MCC: variants seen among roughly 807,000 people sequenced by gnomAD.
MCC encodes the protein MCC regulator of Wnt signaling pathway.
MCC carries 90 observed loss-of-function variants against 116.2 expected under a neutral mutation model. The ratio of observed to expected loss-of-function variants is 0.77; its 90% CI spans 0.65 to 0.92. MCC has a LOEUF of 0.92. Ranked by LOEUF, MCC falls within the 40% of genes least tolerant of loss-of-function variation. The pLI, the probability that MCC is intolerant of heterozygous loss-of-function variation, is 0.00. For synonymous variants in MCC, 578 were observed against 510.5 expected, an observed-to-expected ratio of 1.13 and a Z score of -1.78; for missense variants, 1,516 against 1,312.2, an observed-to-expected ratio of 1.16 and a Z score of -2.40.
chr5:113,297,512 C>G (rs1166266537), intron 3 of MCC, among the ~76,000 whole-genome samples: 1 of 151,766 alleles, frequency 6.6e-6, no homozygotes, highest in Non-Finnish European at 1.5e-5. Context: ...TTGCAGTAAG[C>G]CGAGACCGCA....
chr5:113,321,528 G>A (rs555874333), intron 3 of MCC, among the ~76,000 whole-genome samples: 1 of 152,332 alleles, frequency 6.6e-6, no homozygotes, highest in East Asian at 1.9e-4. Flanking sequence ...TCCCAAGGGG[G>A]ATGGTGATGT....
chr5:113,228,220 G>A (rs547402758), intron 3 of MCC, among the ~76,000 whole-genome samples: 36 of 152,296 alleles, frequency 2.4e-4, no homozygotes, highest in Non-Finnish European at 5.0e-4. Flanking sequence ...TTGAGGCATG[G>A]TTTCTAATGT....
intron 2 of MCC, among the ~76,000 whole-genome samples, chr5:113,347,942 T>C (rs1285749545): frequency 2.0e-5 from 3 of 151,980 alleles, no homozygotes; most frequent in African/African-American, 7.2e-5. Context: ...TCAGACAAAA[T>C]AGATTTCAAG....
In MCC at chr5:113,049,136, G is replaced by C. The variant is rs1016588623; in HGVS notation, c.2612C>G (p.Ser871Cys). 6.2e-7 allele frequency: 1 copy of C among 1,614,096 alleles called. No homozygotes were observed. The highest frequency in any genetic ancestry group is 1.3e-5 in the African/African-American group (1 of 74,952). ...VEEQKEQRMRSLSSTSSGSKD... is the reference protein window; with the variant it reads ...VEEQKEQRMRCLSSTSSGSKD... Reference sequence around the variant, plus strand: ...GCTGCCGCTGCTGGTGGAGCTGAGGGATCGCATCCGCTGCTCCTTCTGCTC... The same window carrying C: ...GCTGCCGCTGCTGGTGGAGCTGAGGCATCGCATCCGCTGCTCCTTCTGCTC... Residue 871 changes from serine (S) to cysteine (C), a missense_variant, in exon 16 of 19, where the codon TCC becomes TGC. Physicochemically the swap from Ser to Cys is moderately radical, Grantham distance 112 (BLOSUM62 -1). Transcript: ENST00000408903.
chr5:113,333,828 T>TACATATATACATATATAC (rs71687516), intron 3 of MCC, among the ~76,000 whole-genome samples: 2 of 12,274 alleles, frequency 1.6e-4, no homozygotes, highest in Admixed American at 2.8e-3. Flanking sequence ...TACATATATG[T>TACATATATACATATATAC]ATATATGTAT....
chr5:113,065,168 A>T (rs1401017893), intron 13 of MCC, among the ~76,000 whole-genome samples: 2 of 152,196 alleles, frequency 1.3e-5, no homozygotes, highest in Non-Finnish European at 2.9e-5. Flanking sequence ...CAGCACCAAG[A>T]ATGAACTCTG....
intron 17 of MCC, among the ~76,000 whole-genome samples, chr5:113,034,189 T>C (rs1241725033): frequency 2.0e-5 from 3 of 150,476 alleles, no homozygotes; most frequent in Non-Finnish European, 4.4e-5. Context: ...CCTGAGCAAC[T>C]CCACCTGGTG....
intron 14 of MCC, among the ~76,000 whole-genome samples, chr5:113,054,928 G>A (rs1222938810): frequency 6.6e-6 from 1 of 152,196 alleles, no homozygotes. Context: ...CCGTGCCTCC[G>A]AATAAGGCCC....
In MCC at chr5:113,101,943, T is replaced by A; in HGVS notation, c.1194A>T (p.Thr398=). The A allele has an allele frequency of 6.2e-7, 1 of 1,613,664 alleles. No individual in the cohort carries two copies. Among genetic ancestry groups the A allele is most frequent in the South Asian group, 1.1e-5 (1 of 91,076 alleles). Residue 398 remains threonine (T), a splice_region_variant and synonymous_variant, in exon 8 of 19, where the codon ACA becomes ACT. Transcript: ENST00000408903. ...CAAGCACCCCCTCAATCTCCTCGACTGTCTGTAAAACACAGCCCCAAAGAA... is the reference window on the plus strand; with the variant it reads ...CAAGCACCCCCTCAATCTCCTCGACAGTCTGTAAAACACAGCCCCAAAGAA... ...ASEHCDLAIK[T]VEEIEGVLGR...
At position 113,071,090 on chromosome 5, in the gene MCC, C is replaced by CTCGCGCTGTCTTCA. The variant is rs1465611917; in HGVS notation, c.1925+3_1925+4insTGAAGACAGCGCGA. The CTCGCGCTGTCTTCA allele has an allele frequency of 1.2e-6, 2 of 1,613,214 alleles. No homozygotes were observed. Among genetic ancestry groups the CTCGCGCTGTCTTCA allele is most frequent in the Non-Finnish European group, 8.5e-7 (1 of 1,179,612 alleles). On this transcript the variant is annotated splice_donor_region_variant and intron_variant, in intron 12 of 18. Coordinates refer to ENST00000408903, the MANE Select transcript of MCC (RefSeq NM_001085377.2). Reference sequence around the variant, plus strand: ...TAGCTCCAAACATCCCAGTGTGTGCCTACCTGTACTGCAAGGCCAGCCTCA... The same window carrying CTCGCGCTGTCTTCA: ...TAGCTCCAAACATCCCAGTGTGTGCCTCGCGCTGTCTTCATACCTGTACTGCAAGGCCAGCCTCA...
At chr5:113,182,978 T>G (rs1307998366) in intron 3 of MCC, among the ~76,000 whole-genome samples, 1 of 152,238 alleles carries the variant, frequency 6.6e-6, no homozygotes, top group Non-Finnish European at 1.5e-5. Flanking sequence ...AAGATTTTCT[T>G]GGAGAGAAGG....
At chr5:113,125,464 G>A (rs757902567) in intron 5 of MCC, among the ~76,000 whole-genome samples, 1 of 152,142 alleles carries the variant, frequency 6.6e-6, no homozygotes, top group Non-Finnish European at 1.5e-5. Flanking sequence ...ATATTAGAAA[G>A]TTCATGCACC....
intron 3 of MCC, among the ~76,000 whole-genome samples, chr5:113,223,771 C>T (rs575369423): frequency 6.6e-6 from 1 of 152,142 alleles, no homozygotes; most frequent in Admixed American, 6.5e-5. Flanking sequence ...GAAAATGATG[C>T]CTCATTTGTT....
chr5:113,257,302 G>C (rs1485826095), intron 3 of MCC, among the ~76,000 whole-genome samples: 1 of 152,120 alleles, frequency 6.6e-6, no homozygotes, highest in Non-Finnish European at 1.5e-5. Context: ...TCATGAGGCT[G>C]TGCAAACCTC....
At chr5:113,057,633 C>T (rs1003239495) in intron 14 of MCC, among the ~76,000 whole-genome samples, 23 of 152,284 alleles carry the variant, frequency 1.5e-4, no homozygotes, top group Non-Finnish European at 1.8e-4. Flanking sequence ...CTGAGGACCC[C>T]GGCTGTGCAT....
intron 17 of MCC, among the ~76,000 whole-genome samples, chr5:113,031,326 C>T (rs907553694): frequency 1.3e-5 from 2 of 152,150 alleles, no homozygotes; most frequent in Admixed American, 1.3e-4. Context: ...GATCTGGCTG[C>T]ATTTCCTCCC....
At chr5:113,030,442 G>T (rs997239711) in intron 17 of MCC, among the ~76,000 whole-genome samples, 3 of 152,170 alleles carry the variant, frequency 2.0e-5, no homozygotes, top group Admixed American at 2.0e-4. Context: ...ACTTTAGGAG[G>T]CCAAGGAATG....
chr5:113,226,914 C>A (rs1189822073), intron 3 of MCC, among the ~76,000 whole-genome samples: 1 of 152,124 alleles, frequency 6.6e-6, no homozygotes, highest in Admixed American at 6.5e-5. Context: ...ATTTTAATTA[C>A]CTTAACAGTT....
chr5:113,239,665 G>C (rs1003423441), intron 3 of MCC, among the ~76,000 whole-genome samples: 1 of 152,170 alleles, frequency 6.6e-6, no homozygotes, highest in Non-Finnish European at 1.5e-5. Flanking sequence ...CTGCCCATTT[G>C]TGGCAAACAC....
Sources: gnomAD v4.1 joint callset for allele counts (sites outside exome capture counted in the v4.1 genomes callset) on GRCh38, gnomAD v4.1.1 for gene constraint, MANE v1.5 for transcripts, NCBI Gene and HGNC (gene_info 2026-07-23, HGNC 2026-07-21) for gene names.